Variants in MCM4 observed in about 807,000 individuals in gnomAD.
MCM4 encodes the protein minichromosome maintenance complex component 4, also known as DNA replication licensing factor MCM4.
In MCM4, 60 loss-of-function variants were observed where a neutral mutation model predicts 88.7. That is an observed-to-expected ratio of 0.68 (90% CI 0.55 to 0.84). The LOEUF (loss-of-function observed/expected upper bound fraction) is 0.84. Among genes scored for constraint, MCM4 ranks in the 40% least tolerant of loss-of-function variants. MCM4 has a pLI of 0.00. For synonymous variants in MCM4, 465 were observed against 410.5 expected, an observed-to-expected ratio of 1.13 and a Z score of -1.61; for missense variants, 1,149 against 1,105.5, an observed-to-expected ratio of 1.04 and a Z score of -0.56.
In MCM4 at chr8:47,971,380, C is replaced by T; in HGVS notation, c.1840C>T (p.Leu614=). The T allele has an allele frequency of 6.2e-7, 1 of 1,614,120 alleles. No homozygotes were observed. The highest frequency in any genetic ancestry group is 8.5e-7 in the Non-Finnish European group (1 of 1,180,022). Residue 614 remains leucine (L), a synonymous_variant, in exon 13 of 17, where the codon CTG becomes TTG. Transcript: ENST00000649973. ...TCAGCTCAATGCGCGCACCTCTGTCCTGGCAGCAGCAAATCCCATTGAGTC... is the reference window on the plus strand; with the variant it reads ...TCAGCTCAATGCGCGCACCTCTGTCTTGGCAGCAGCAAATCCCATTGAGTC... The part of the protein sequence containing the change: ...ICQLNARTSV[L]AAANPIESQW...
At chr8:47,975,107 A>T in intron 15 of MCM4, 145 bp downstream of exon 15, 2 of 614,318 alleles carry the variant, frequency 3.3e-6, no homozygotes, top group Non-Finnish European at 5.6e-6. Context: ...TGAGAATCTG[A>T]TGAAAGTTGC....
intron 13 of MCM4, 126 bp downstream of exon 13, chr8:47,971,594 G>C: frequency 9.4e-7 from 1 of 1,067,224 alleles, no homozygotes; most frequent in Non-Finnish European, 1.3e-6. Flanking sequence ...TTCAAATTTG[G>C]TTGGTCAAGA....
chr8:47,976,897 G>A lies in MCM4; in HGVS notation c.*119G>A, dbSNP rs2091006396. On this transcript the variant is annotated 3_prime_UTR_variant, in exon 17 of 17. Transcript: ENST00000649973. ...TAGAGCTTAAAGTCATGGTTTGGCT[G>A]CATAAAAATTTTCTAACTTGGGTTC... 1.7e-6 allele frequency: 1 copy of A among 605,882 alleles called. No individual in the cohort carries two copies. The highest frequency in any genetic ancestry group is 2.8e-5 in the East Asian group (1 of 35,806). The allele number at this position is 605,882 out of a possible 1,614,324, so 37.5% of individuals were successfully genotyped here. A position where few individuals can be genotyped will look rare whatever the true frequency, so the allele number is the denominator to read the frequency against.
intron 15 of MCM4, chr8:47,975,174 T>C: frequency 2.1e-6 from 1 of 479,828 alleles, no homozygotes; most frequent in Non-Finnish European, 3.7e-6. Flanking sequence ...TGTGTATAGT[T>C]TTTTTTTGTT....
chr8:47,964,087 G>T (rs2090874622), intron 7 of MCM4, among the ~76,000 whole-genome samples: 2 of 152,150 alleles, frequency 1.3e-5, no homozygotes, highest in Non-Finnish European at 2.9e-5. Context: ...GTCAGGCGTG[G>T]TGGCAAATGC....
rs1436971875 is a variant in MCM4, at chr8:47,974,443, C to T, written c.2137-291C>T. On this transcript the variant is annotated intron_variant, in intron 14 of 16. Transcript: ENST00000649973. ...ATTCCTTCCCTCTGCCACGCCATGC[C>T]CGTCTCTGTTCTTCAGAGCTACGTT... 7 of 346,262 alleles carry T rather than the reference C, an allele frequency of 2.0e-5. No homozygotes were observed. The South Asian group carries it at 2.4e-4, about 12-fold the overall frequency. 21.4% of individuals were successfully genotyped at this position (346,262 alleles called of 1,614,324 possible).
In MCM4 at chr8:47,962,767, T is replaced by G; in HGVS notation, c.505T>G (p.Phe169Val). 1 of 1,596,038 alleles carries G rather than the reference T, an allele frequency of 6.3e-7. No homozygotes were observed. The highest frequency in any genetic ancestry group is 8.5e-7 in the Non-Finnish European group (1 of 1,172,400). Reference protein sequence around the residue: ...VAACKENFQRFLQRFIDPLAK... With the variant: ...VAACKENFQRVLQRFIDPLAK... ...ACAGTTTTCTCTCCACTTAAAGAGA[T>G]TTCTTCAGCGTTTTATTGACCCTCT... Residue 169 changes from phenylalanine (F) to valine (V), a missense_variant, in exon 6 of 17, where the codon TTT (phenylalanine) becomes GTT (valine). Coordinates refer to ENST00000649973, the MANE Select transcript of MCM4 (RefSeq NM_182746.3).
intron 13 of MCM4, among the ~76,000 whole-genome samples, chr8:47,972,333 G>A (rs895785333): frequency 1.3e-5 from 2 of 151,442 alleles, no homozygotes; most frequent in South Asian, 2.1e-4. Flanking sequence ...GTCCCCAGCC[G>A]TTCCCTGGGC....
intron 10 of MCM4, 30 bp downstream of exon 10, chr8:47,967,515 A>C: frequency 6.2e-7 from 1 of 1,613,622 alleles, no homozygotes. Flanking sequence ...CCAGCACTTG[A>C]GCATGTCTGG....
chr8:47,970,843 A>C lies in MCM4; in HGVS notation c.1767A>C (p.Glu589Asp). ...MNESTRSVLH[E>D]VMEQQTLSIA... ...AAAGTACAAGATCGGTATTGCATGAAGTCATGGAACAGCAGACTCTGTCCA... is the reference window on the plus strand; with the variant it reads ...AAAGTACAAGATCGGTATTGCATGACGTCATGGAACAGCAGACTCTGTCCA... Residue 589 changes from glutamate to aspartate, a missense_variant, in exon 12 of 17, where the codon GAA becomes GAC. Physicochemically the swap from Glu to Asp is conservative, Grantham distance 45. This residue lies in a region of MCM4 where 906 missense variants were observed against 843.0 expected (regional missense o/e 1.07). Transcript: ENST00000649973. The C allele has an allele frequency of 6.2e-7, 1 of 1,607,914 alleles. No individual in the cohort carries two copies. The highest frequency in any genetic ancestry group is 8.5e-7 in the Non-Finnish European group (1 of 1,175,260).
intron 13 of MCM4, among the ~76,000 whole-genome samples, chr8:47,972,162 G>A (rs1227211484): frequency 2.6e-5 from 4 of 151,650 alleles, no homozygotes; most frequent in African/African-American, 9.7e-5. Flanking sequence ...TTGAGCCTGG[G>A]GGAGTGGAGA....
intron 15 of MCM4, 90 bp downstream of exon 15, chr8:47,975,052 C>G (rs948263728): frequency 1.6e-5 from 17 of 1,047,740 alleles, no homozygotes; most frequent in Non-Finnish European, 2.3e-5. Context: ...ACAGTTAAAT[C>G]ATTTGAAACA....
rs1394344537 is a variant in MCM4, at chr8:47,969,988, A to G, written c.1365A>G (p.Lys455=). The change falls in exon 11 of 17, where the codon AAA becomes AAG. Residue 455 remains lysine (K), a synonymous_variant. Coordinates refer to ENST00000649973, the MANE Select transcript of MCM4 (RefSeq NM_182746.3). Reference sequence around the variant, plus strand: ...AATTGCTTAAGGAACTTTCCAGGAAACCAGACATTTATGAGAGGCTTGCTT... The same window carrying G: ...AATTGCTTAAGGAACTTTCCAGGAAGCCAGACATTTATGAGAGGCTTGCTT... ...RVELLKELSR[K]PDIYERLASA... The G allele has an allele frequency of 2.5e-6, 4 of 1,614,242 alleles. No individual in the cohort carries two copies. The highest frequency in any genetic ancestry group is 3.4e-6 in the Non-Finnish European group (4 of 1,180,042).
At position 47,961,230 on chromosome 8, in the gene MCM4, C is replaced by T. The variant is rs1218509716; in HGVS notation, c.70+16C>T. On this transcript the variant is annotated intron_variant, in intron 2 of 16. Transcript: ENST00000649973. ...GCCCAGACGCGTGAGTCCCCCGAGC[C>T]GGGCCCACTACAGCCCCCGGCGCCG... The T allele has an allele frequency of 2.0e-6, 3 of 1,494,238 alleles. No individual in the cohort carries two copies. Among genetic ancestry groups the T allele is most frequent in the South Asian group, 2.5e-5 (2 of 79,994 alleles). The allele number at this position is 1,494,238 out of a possible 1,614,324, so 92.6% of individuals were successfully genotyped here.
Position 47,961,640 on chromosome 8 carries a change from G to A in MCM4, c.195G>A (p.Gln65=), listed in dbSNP as rs765208492. Residue 65 remains glutamine, a synonymous_variant, in exon 3 of 17, where the codon CAG becomes CAA. Transcript: ENST00000649973. ...TGGACCTGCAGAGCCCTGCTGCGCA[G>A]GACGTGCTGTTTTCCAGCCCTCCCC... is the stretch of plus-strand genomic sequence containing the variant. The part of the protein sequence containing the change: ...PGVDLQSPAA[Q]DVLFSSPPQM... The A allele has an allele frequency of 6.2e-7, 1 of 1,612,992 alleles. No individual in the cohort carries two copies. Among genetic ancestry groups the A allele is most frequent in the Non-Finnish European group, 8.5e-7 (1 of 1,179,204 alleles).
intron 14 of MCM4, 56 bp downstream of exon 14, chr8:47,973,120 T>TGACC: frequency 2.9e-6 from 4 of 1,368,866 alleles, no homozygotes; most frequent in Non-Finnish European, 4.1e-6. Flanking sequence ...TTAATGTAAC[T>TGACC]GACCAATCAT....
chr8:47,961,497 C>T lies in MCM4; in HGVS notation c.71-19C>T, dbSNP rs571767460. The T allele has an allele frequency of 1.5e-5, 24 of 1,613,576 alleles. No homozygotes were observed. In the African/African-American group the frequency reaches 1.6e-4, roughly 11 times the overall value. ...CCCTGAAAGTTAATGGCTGTCTTTT[C>T]TGTTTTGTGTGACACAAGCTCGGAG... On this transcript the variant is annotated intron_variant, in intron 2 of 16. Transcript: ENST00000649973.
intron 9 of MCM4, 29 bp from the exon 10 acceptor site, chr8:47,967,336 C>T: frequency 6.2e-7 from 1 of 1,613,452 alleles, no homozygotes; most frequent in Non-Finnish European, 8.5e-7. Context: ...TCTTTGTGGC[C>T]CACATGTTCT....
intron 11 of MCM4, 52 bp downstream of exon 11, chr8:47,970,109 A>G (rs1304045281): frequency 1.3e-6 from 2 of 1,588,036 alleles, no homozygotes; most frequent in Non-Finnish European, 1.7e-6. Flanking sequence ...TTTGGGATCA[A>G]ATAGTATAAA....
Sources: gnomAD v4.1 joint callset for allele counts (sites outside exome capture counted in the v4.1 genomes callset) on GRCh38, gnomAD v4.1.1 for gene constraint, gnomAD v4.1.1 regional missense constraint, MANE v1.5 for transcripts, NCBI Gene and HGNC (gene_info 2026-07-23, HGNC 2026-07-21) for gene names.